CFAP206: variants seen among roughly 807,000 people sequenced by gnomAD.
CFAP206 encodes cilia and flagella associated protein 206, also known as cilia- and flagella-associated protein 206.
Under a neutral mutation model 65.4 loss-of-function variants are expected in CFAP206, and 53 were observed. The ratio of observed to expected loss-of-function variants is 0.81; its 90% confidence interval spans 0.65 to 1.02. CFAP206 has a LOEUF of 1.02. Ranked by LOEUF, CFAP206 falls within the 50% of genes least tolerant of loss-of-function variation. The pLI, the probability that CFAP206 is intolerant of heterozygous loss-of-function variation, is 0.00. For missense variants in CFAP206, 663 were observed against 753.2 expected (o/e 0.88, Z 1.40); for synonymous variants, 250 against 254.4 (o/e 0.98, Z 0.17).
At chr6:87,457,560 GT>G (rs1768669751) in intron 11 of CFAP206, among the ~76,000 whole-genome samples, 1 of 152,102 alleles carries the variant, frequency 6.6e-6, no homozygotes, top group South Asian at 2.1e-4. Flanking sequence ...AAGAATATAC[GT>G]TGGGGAAAGG....
chr6:87,436,861 A>C (rs976997899), intron 11 of CFAP206: 6 of 152,190 alleles, frequency 3.9e-5, no homozygotes, highest in African/African-American at 1.4e-4. Context: ...AAAATGTACT[A>C]ATTTAACTTC....
chr6:87,450,498 T>C (rs1768521836), intron 11 of CFAP206, among the ~76,000 whole-genome samples: 2 of 150,488 alleles, frequency 1.3e-5, no homozygotes, highest in Admixed American at 1.3e-4. Context: ...TGTGTGTGTG[T>C]GTGTGTGTGT....
In CFAP206 at chr6:87,431,050, G is replaced by A. The variant is rs1480752541; in HGVS notation, c.1177G>A (p.Ala393Thr). ...KEHMEDRVNV[A>T]DFRKLEWLFP... ...CATTTTAGAAGATAGAGTAAATGTG[G>A]CAGATTTCAGAAAACTAGAATGGCT... The change falls in exon 10 of 13, where the codon GCA (alanine) becomes ACA (threonine). Residue 393 changes from alanine (A) to threonine (T), a missense_variant. Coordinates refer to ENST00000369562, the MANE Select transcript of CFAP206 (RefSeq NM_001031743.3). 1.2e-6 allele frequency: 2 copies of A among 1,613,830 alleles called. No homozygotes were observed. The highest frequency in any genetic ancestry group is 2.2e-5 in the South Asian group (2 of 91,050).
At chr6:87,454,802 G>A (rs1298652930) in intron 11 of CFAP206, among the ~76,000 whole-genome samples, 18 of 131,452 alleles carry the variant, frequency 1.4e-4, no homozygotes, top group Admixed American at 1.7e-4. Flanking sequence ...CTGAGATTGC[G>A]CCACTGCACT....
At chr6:87,435,249 G>T in intron 11 of CFAP206, 196 bp downstream of exon 11, 1 of 415,976 alleles carries the variant, frequency 2.4e-6, no homozygotes, top group East Asian at 4.2e-5. Context: ...AGGATATGGA[G>T]TCAAATTGAT....
intron 12 of CFAP206, among the ~76,000 whole-genome samples, chr6:87,461,863 T>C (rs1263004055): frequency 6.6e-6 from 1 of 152,162 alleles, no homozygotes. Flanking sequence ...AGTCAGACAC[T>C]GTCACTTGTG....
intron 4 of CFAP206, among the ~76,000 whole-genome samples, chr6:87,414,119 A>G (rs1767785100): frequency 6.6e-6 from 1 of 152,210 alleles, no homozygotes; most frequent in Non-Finnish European, 1.5e-5. Flanking sequence ...TGTGCTCATA[A>G]TTATTGTTTC....
intron 7 of CFAP206, among the ~76,000 whole-genome samples, chr6:87,423,947 T>A (rs150284533): frequency 2.0e-5 from 3 of 152,350 alleles, no homozygotes; most frequent in East Asian, 1.9e-4. Flanking sequence ...TAAAAGAGTC[T>A]AGAAAGCATA....
At position 87,408,739 on chromosome 6, in the gene CFAP206, G is replaced by A. The variant is rs993072378; in HGVS notation, c.-6+650G>A. On this transcript the variant is annotated intron_variant, in intron 1 of 12. Coordinates refer to ENST00000369562, the MANE Select transcript of CFAP206 (RefSeq NM_001031743.3). ...AACCACTAAAAACAGGACTAATTTA[G>A]TCCTCACACCTCTGGAAAGAAGTGA... The A allele has an allele frequency of 2.6e-5, 4 of 152,222 alleles. 1 individual carries two copies. Among genetic ancestry groups the A allele is most frequent in the African/African-American group, 4.8e-5 (2 of 41,438 alleles). The allele number at this position is 152,222 out of a possible 1,614,324, so 9.4% of individuals were successfully genotyped here.
intron 11 of CFAP206, among the ~76,000 whole-genome samples, chr6:87,447,745 A>C (rs1300458859): frequency 6.6e-6 from 1 of 152,146 alleles, no homozygotes; most frequent in Non-Finnish European, 1.5e-5. Context: ...AGAATATCAG[A>C]AGAAATGGTA....
Position 87,426,650 on chromosome 6 carries a change from G to A in CFAP206, c.960+5G>A. 6.4e-7 allele frequency: 1 copy of A among 1,565,438 alleles called. No homozygotes were observed. Among genetic ancestry groups the A allele is most frequent in the Non-Finnish European group, 8.6e-7 (1 of 1,158,300 alleles). On this transcript the variant is annotated splice_donor_5th_base_variant and intron_variant, in intron 8 of 12. Transcript: ENST00000369562. ...GTCCCAACATCACAAGTCTTTGTAA[G>A]TATTTGTCATAAACTTTGACCTTAA...
Position 87,431,141 on chromosome 6 carries a change from C to T in CFAP206, c.1268C>T (p.Thr423Met), listed in dbSNP as rs146954801. ...LIQYRGFCAY[T>M]FAATDGLLLP... ...CAATATCGGGGATTTTGTGCTTACACGTTTGCTGCAACAGATGGTCTTCTC... is the reference window on the plus strand; with the variant it reads ...CAATATCGGGGATTTTGTGCTTACATGTTTGCTGCAACAGATGGTCTTCTC... Residue 423 changes from threonine to methionine, a missense_variant, in exon 10 of 13, where the codon ACG (threonine) becomes ATG (methionine). Coordinates refer to ENST00000369562, the MANE Select transcript of CFAP206 (RefSeq NM_001031743.3). 82 of 1,613,730 alleles carry T rather than the reference C, an allele frequency of 5.1e-5. No homozygotes were observed. The highest frequency in any genetic ancestry group is 3.3e-4 in the Middle Eastern group (2 of 6,082).
chr6:87,440,082 A>G (rs1210343726), intron 11 of CFAP206, among the ~76,000 whole-genome samples: 1 of 152,176 alleles, frequency 6.6e-6, no homozygotes, highest in Non-Finnish European at 1.5e-5. Context: ...GTAGGTTAGT[A>G]TGAGAAGAAT....
At chr6:87,463,915 GTGGAT>G (rs1336287436) in intron 12 of CFAP206, 100 bp from the exon 13 acceptor site, 9 of 747,466 alleles carry the variant, frequency 1.2e-5, no homozygotes, top group Non-Finnish European at 1.8e-5. Flanking sequence ...TTAATTTCTT[GTGGAT>G]TGAAGACAAA....
chr6:87,412,763 C>T (rs907545245), intron 3 of CFAP206, among the ~76,000 whole-genome samples: 1 of 152,074 alleles, frequency 6.6e-6, no homozygotes, highest in Admixed American at 6.6e-5. Flanking sequence ...GGTTCTCAAG[C>T]GATTCTCCTG....
chr6:87,427,303 A>C (rs527791869), intron 8 of CFAP206, among the ~76,000 whole-genome samples: 11 of 152,126 alleles, frequency 7.2e-5, no homozygotes, highest in African/African-American at 2.7e-4. Context: ...ATGCCCAGCT[A>C]ATTTTTTTTG....
chr6:87,463,453 G>A (rs1055019285), intron 12 of CFAP206, among the ~76,000 whole-genome samples: 1 of 152,130 alleles, frequency 6.6e-6, no homozygotes, highest in African/African-American at 2.4e-5. Context: ...TATAAGTGCA[G>A]CAACCTTATT....
At chr6:87,409,161 C>T (rs1391457237) in intron 1 of CFAP206, among the ~76,000 whole-genome samples, 2 of 151,526 alleles carry the variant, frequency 1.3e-5, no homozygotes, top group Admixed American at 1.3e-4. Context: ...AGCATTTCTC[C>T]TTTTAAAGCT....
At chr6:87,446,850 G>T (rs113736457) in intron 11 of CFAP206, among the ~76,000 whole-genome samples, 1,669 of 152,230 alleles carry the variant, frequency 0.011, 37 homozygotes, top group African/African-American at 0.038. Flanking sequence ...CCATTCGTTT[G>T]TGTCTTCTCT....
Sources: gnomAD v4.1 joint callset for allele counts (sites outside exome capture counted in the v4.1 genomes callset) on GRCh38, gnomAD v4.1.1 for gene constraint, MANE v1.5 for transcripts, NCBI Gene and HGNC (gene_info 2026-07-23, HGNC 2026-07-21) for gene names.